The following SLC19A1 variants were observed in gnomAD, a reference collection of about 807,000 sequenced individuals.
SLC19A1 encodes the protein solute carrier family 19 member 1, also known as reduced folate transporter.
In SLC19A1, 37 loss-of-function variants were observed where a neutral mutation model predicts 35.3. That is an observed-to-expected ratio of 1.05 (90% CI 0.81 to 1.38). SLC19A1 has a LOEUF of 1.38. SLC19A1 is among the 40% of genes most tolerant of loss of function. The pLI is 0.00. For missense variants in SLC19A1, 831 were observed against 826.9 expected, an observed-to-expected ratio of 1.00 and a Z score of -0.06; for synonymous variants, 460 against 398.5, an observed-to-expected ratio of 1.15 and a Z score of -1.84.
Position 45,515,841 on chromosome 21 carries a change from C to G in SLC19A1, c.1593G>C (p.Pro531=). 6.2e-7 allele frequency: 1 copy of G among 1,600,652 alleles called. No individual in the cohort carries two copies. The highest frequency in any genetic ancestry group is 8.5e-7 in the Non-Finnish European group (1 of 1,172,394). Reference sequence around the variant, plus strand: ...CTGGGCTCAGGAATTCAGCTGCCTGCGGGGCCGGGGCCTGGGCCAGGTATG... The same window carrying G: ...CTGGGCTCAGGAATTCAGCTGCCTGGGGGGCCGGGGCCTGGGCCAGGTATG... ...SDPYLAQAPA[P]QAAEFLSPVT... Residue 531 remains proline (P), a synonymous_variant, in exon 6 of 6, where the codon CCG becomes CCC. Transcript: ENST00000311124.
intron 5 of SLC19A1, among the ~76,000 whole-genome samples, chr21:45,522,277 A>G (rs2077460284): frequency 6.6e-6 from 1 of 152,186 alleles, no homozygotes; most frequent in South Asian, 2.1e-4. Context: ...GGAAATGCAA[A>G]TTAAAACCAC....
chr21:45,504,684 A>T lies in SLC19A1; in HGVS notation c.498-6072T>A, dbSNP rs558202061. Reference sequence around the variant, plus strand: ...TGCCCCTGCAAGCTCAGCAGCCCCGACATGTCCCTGTCCCCGTGTGGGGAC... The same window carrying T: ...TGCCCCTGCAAGCTCAGCAGCCCCGTCATGTCCCTGTCCCCGTGTGGGGAC... On this transcript the variant is annotated intron_variant, in intron 3 of 4. Transcript: ENST00000417954. 1.2e-4 allele frequency: 99 copies of T among 798,524 alleles called. No individual in the cohort carries two copies. The Admixed American group carries it at 2.5e-3, about 20-fold the overall frequency. The allele number at this position is 798,524 out of a possible 1,614,324, so 49.5% of individuals were successfully genotyped here.
At position 45,533,283 on chromosome 21, in the gene SLC19A1, GGAGC is replaced by G. The variant is rs2077996446; in HGVS notation, c.190-1139_190-1136del. 1.4e-4 allele frequency among the ~76,000 whole-genome samples: 5 copies of G among 36,386 alleles called. No individual in the cohort carries two copies. In the Admixed American group the frequency reaches 1.7e-3, roughly 13 times the overall value. The allele number at this position is 36,386 out of a possible 152,430, so 23.9% of individuals were successfully genotyped here. ...ACACATCCACCTTCCATGGGAACGT[GGAGC>G]TGGGCACGGGGCTGGGGGTGCTACC... On this transcript the variant is annotated intron_variant, in intron 2 of 5. Transcript: ENST00000311124. This position sits in a 1 kb window ranked among gnomAD's most constrained non-coding sequence, Gnocchi z 4.5.
At chr21:45,521,685 G>A (rs1036463349) in intron 5 of SLC19A1, among the ~76,000 whole-genome samples, 5 of 152,196 alleles carry the variant, frequency 3.3e-5, no homozygotes, top group Non-Finnish European at 5.9e-5. Context: ...CAATGGAACA[G>A]GATAAAAAAC....
chr21:45,542,908 C>A (rs957593278), upstream of SLC19A1, among the ~76,000 whole-genome samples: 1 of 151,952 alleles, frequency 6.6e-6, no homozygotes, highest in East Asian at 1.9e-4. Context: ...GCGGGTCGGG[C>A]CCACGCGCCC....
Position 45,525,838 on chromosome 21 carries a change from C to G in SLC19A1, c.1272G>C (p.Leu424=), listed in dbSNP as rs140444249. 13 of 1,613,244 alleles carry G rather than the reference C, an allele frequency of 8.1e-6. No homozygotes were observed. The highest frequency in any genetic ancestry group is 1.1e-5 in the Non-Finnish European group (13 of 1,179,970). The change falls in exon 5 of 6, where the codon CTG becomes CTC. Residue 424 remains leucine (L), a synonymous_variant. Transcript: ENST00000311124. ...ITFIVSDVRG[L]GLPVRKQFQL... Reference sequence around the variant, plus strand: ...TCACCTGCTTGCGGACCGGGAGGCCCAGGCCCCGCACGTCCGAGACAATGA... The same window carrying G: ...TCACCTGCTTGCGGACCGGGAGGCCGAGGCCCCGCACGTCCGAGACAATGA...
chr21:45,509,451 C>T (rs2037441110), downstream of SLC19A1: 1 of 1,534,992 alleles, frequency 6.5e-7, no homozygotes, highest in Non-Finnish European at 8.7e-7. Flanking sequence ...CCGCGCGGCC[C>T]TGGCGGGCAG....
Position 45,530,921 on chromosome 21 carries a change from A to G in SLC19A1, c.1000T>C (p.Trp334Arg). The change falls in exon 4 of 6, where the codon TGG becomes CGG. Residue 334 changes from tryptophan to arginine, a missense_variant. Trp to Arg is a moderately radical substitution (Grantham distance 101). Coordinates refer to ENST00000311124, the MANE Select transcript of SLC19A1 (RefSeq NM_194255.4). This position sits in a 1 kb window ranked among gnomAD's most constrained non-coding sequence, Gnocchi z 5.3. ...ACGCCCGCGATGAGCAGCTTGGACC[A>G]GCGCGCCCAGCGGATCTTCACGAAG... ...AGFVKIRWAR[W>R]SKLLIAGVTA... 2.1e-6 allele frequency: 3 copies of G among 1,456,284 alleles called. No individual in the cohort carries two copies. The East Asian group carries it at 8.1e-5, about 40-fold the overall frequency. The allele number at this position is 1,456,284 out of a possible 1,614,324, so 90.2% of individuals were successfully genotyped here.
intron 4 of SLC19A1, among the ~76,000 whole-genome samples, chr21:45,528,922 T>C (rs2077745966): frequency 6.6e-6 from 1 of 152,226 alleles, no homozygotes; most frequent in Non-Finnish European, 1.5e-5. Context: ...CGGCACCGTG[T>C]TGGATTTTTT....
rs1214763386 is a variant in SLC19A1 at position 45,513,484 on chromosome 21, C to CACGAGGTGCA, written c.*2164_*2173dup. 2.0e-5 allele frequency: 3 copies of CACGAGGTGCA among 152,380 alleles called. No individual in the cohort carries two copies. In the East Asian group the frequency reaches 5.8e-4, roughly 29 times the overall value. The allele number at this position is 152,380 out of a possible 1,614,324, so 9.4% of individuals were successfully genotyped here. A position where few individuals can be genotyped will look rare whatever the true frequency, so the allele number is the denominator to read the frequency against. On this transcript the variant is annotated 3_prime_UTR_variant, in exon 6 of 6. Transcript: ENST00000311124. ...CCGCCCTGCGGGTGAACAAAGCAGC[C>CACGAGGTGCA]ACGAGGTGCAACAAGGTCCTCTGTC...
chr21:45,538,346 T>A (rs1459628868), intron 1 of SLC19A1, among the ~76,000 whole-genome samples: 1 of 152,186 alleles, frequency 6.6e-6, no homozygotes, highest in Non-Finnish European at 1.5e-5. Flanking sequence ...AAATTTAGGG[T>A]TTGGGGCCAC....
upstream of SLC19A1, among the ~76,000 whole-genome samples, chr21:45,543,047 C>A (rs975716643): frequency 1.3e-5 from 2 of 152,130 alleles, no homozygotes; most frequent in African/African-American, 4.8e-5. Context: ...CTGACCGTGA[C>A]CCGTACGGGC....
intron 3 of SLC19A1, chr21:45,504,330 G>A: frequency 7.1e-7 from 1 of 1,405,018 alleles, no homozygotes; most frequent in Non-Finnish European, 9.8e-7. Context: ...GCTTCTGACT[G>A]CCCAGCCCTG....
downstream of SLC19A1, chr21:45,512,304 TG>T: frequency 6.2e-7 from 1 of 1,612,376 alleles, no homozygotes; most frequent in Non-Finnish European, 8.5e-7. Context: ...TCCTCGCTGC[TG>T]GGGGGCAGGC....
chr21:45,523,398 G>C (rs1198343258), intron 5 of SLC19A1, among the ~76,000 whole-genome samples: 1 of 152,142 alleles, frequency 6.6e-6, no homozygotes, highest in African/African-American at 2.4e-5. Context: ...GCCAGAACCT[G>C]CCTCCACCTC....
Position 45,515,609 on chromosome 21 carries a change from G to T in SLC19A1, c.*49C>A. 1 of 1,609,956 alleles carries T rather than the reference G, an allele frequency of 6.2e-7. No individual in the cohort carries two copies. Among genetic ancestry groups the T allele is most frequent in the South Asian group, 1.1e-5 (1 of 90,626 alleles). The stretch of plus-strand genomic sequence containing the variant: ...GGCGGCCCTCGAGGCAGGGGTCGTG[G>T]GGATGCACTGAGGGCCGCCTGCAAA... On this transcript the variant is annotated 3_prime_UTR_variant, in exon 6 of 6. Coordinates refer to ENST00000311124, the MANE Select transcript of SLC19A1 (RefSeq NM_194255.4).
At chr21:45,504,217 C>A (rs1458778889) in intron 3 of SLC19A1, 1 of 934,404 alleles carries the variant, frequency 1.1e-6, no homozygotes, top group South Asian at 1.4e-5. Context: ...CAGGATGTTC[C>A]TGTCCCCGGC....
At chr21:45,525,024 C>T (rs999252514) in intron 5 of SLC19A1, among the ~76,000 whole-genome samples, 4 of 152,226 alleles carry the variant, frequency 2.6e-5, no homozygotes, top group Non-Finnish European at 1.5e-5. Flanking sequence ...GAGTGAGCAA[C>T]AGCCATCCTC....
intron 2 of SLC19A1, 51 bp downstream of exon 2, chr21:45,537,720 C>CA: frequency 3.1e-5 from 3 of 96,426 alleles, no homozygotes; most frequent in Non-Finnish European, 6.7e-5. Context: ...AGACGCTGCT[C>CA]CCCGCCCACC....
Sources: gnomAD v4.1 joint callset for allele counts (sites outside exome capture counted in the v4.1 genomes callset) on GRCh38, gnomAD v4.1.1 for gene constraint, Gnocchi (gnomAD v3.1) non-coding constraint, MANE v1.5 for transcripts, NCBI Gene and HGNC (gene_info 2026-07-23, HGNC 2026-07-21) for gene names.